ABI1: variants seen among roughly 807,000 people sequenced by gnomAD.
ABI1 encodes Abelson interactor 1.
A neutral mutation model predicts 54.6 loss-of-function variants in ABI1; 14 were observed. That is an observed-to-expected ratio of 0.26 (90% CI 0.17 to 0.40). The LOEUF is 0.40. ABI1 is among the 10% of genes least tolerant of loss of function. The pLI is 1.00. For synonymous variants in ABI1, 194 were observed against 209.3 expected (o/e 0.93, Z 0.63); for missense variants, 443 against 598.3 (o/e 0.74, Z 2.71).
At position 26,786,140 on chromosome 10, in the gene ABI1, GAGGATT is replaced by G. The variant is rs1396745036; in HGVS notation, c.286-8905_286-8900del. ...ACCACCCCCATCCCCAAGTAATTCT[GAGGATT>G]ATCTGATACAATCATTGATTCATTG... On this transcript the variant is annotated intron_variant, in intron 2 of 10. Coordinates refer to ENST00000376140, the MANE Select transcript of ABI1 (RefSeq NM_001012750.3). Among the ~76,000 whole-genome samples, 4 of 152,070 alleles carry G rather than the reference GAGGATT, an allele frequency of 2.6e-5. No homozygotes were observed. In the East Asian group the frequency reaches 7.7e-4, roughly 29 times the overall value.
intron 1 of ABI1, among the ~76,000 whole-genome samples, chr10:26,836,452 G>A (rs1401442648): frequency 6.6e-6 from 1 of 152,162 alleles, no homozygotes; most frequent in African/African-American, 2.4e-5. Context: ...ACATGTATTT[G>A]TGTAAACAGT....
At chr10:26,769,684 A>G (rs937787542) in intron 5 of ABI1, among the ~76,000 whole-genome samples, 1 of 152,240 alleles carries the variant, frequency 6.6e-6, no homozygotes, top group Non-Finnish European at 1.5e-5. Context: ...GGAAGAAGCC[A>G]CTGTTATCTT....
chr10:26,762,197 T>A (rs919805541), intron 7 of ABI1, among the ~76,000 whole-genome samples: 3 of 152,090 alleles, frequency 2.0e-5, no homozygotes, highest in Non-Finnish European at 2.9e-5. Flanking sequence ...TTTGCAGAGA[T>A]GAGGTCTTGC....
chr10:26,840,028 G>C (rs1484781067), intron 1 of ABI1, among the ~76,000 whole-genome samples: 1 of 151,944 alleles, frequency 6.6e-6, no homozygotes, highest in Non-Finnish European at 1.5e-5. Flanking sequence ...ACAAATTCAA[G>C]ATTCTATGAA....
intron 2 of ABI1, among the ~76,000 whole-genome samples, chr10:26,792,626 A>G (rs954216235): frequency 6.6e-6 from 1 of 152,254 alleles, no homozygotes; most frequent in African/African-American, 2.4e-5. Context: ...CAAGGCTTTT[A>G]TAAAAATAAG....
At chr10:26,761,698 C>T (rs1839251621) in intron 7 of ABI1, among the ~76,000 whole-genome samples, 1 of 134,964 alleles carries the variant, frequency 7.4e-6, no homozygotes, top group African/African-American at 2.8e-5. Flanking sequence ...TTAAACAATA[C>T]ACACAGTTTT....
chr10:26,817,385 C>T (rs1037006623), intron 2 of ABI1, among the ~76,000 whole-genome samples: 1 of 152,164 alleles, frequency 6.6e-6, no homozygotes, highest in African/African-American at 2.4e-5. Context: ...TCACTCTACA[C>T]TAGATTCTGT....
rs747438096 is a variant in ABI1 at position 26,823,157 on chromosome 10, G to A, written c.266C>T (p.Ser89Phe). Residue 89 changes from serine (S) to phenylalanine (F), a missense_variant, in exon 2 of 11, where the codon TCC becomes TTC. Physicochemically the swap from Ser to Phe is radical, Grantham distance 155. This residue lies in a region of ABI1 where 394 missense variants were observed against 484.8 expected (regional missense o/e 0.81). Coordinates refer to ENST00000376140, the MANE Select transcript of ABI1 (RefSeq NM_001012750.3). ...QASQLRRMES[S>F]INHISQTVDI... ...TGTTACCTGTGAGATATGATTGATG[G>A]AAGACTCCATTCTCCGAAGCTGAGA... The A allele has an allele frequency of 6.3e-7, 1 of 1,597,374 alleles. No homozygotes were observed. The highest frequency in any genetic ancestry group is 1.2e-5 in the South Asian group (1 of 86,676).
chr10:26,794,908 C>G (rs1177070513), intron 2 of ABI1, among the ~76,000 whole-genome samples: 1 of 152,046 alleles, frequency 6.6e-6, no homozygotes, highest in African/African-American at 2.4e-5. Flanking sequence ...CTTTGGGAGG[C>G]TGAGTTGGGC....
chr10:26,787,325 AAATT>A (rs1161451804), intron 2 of ABI1, among the ~76,000 whole-genome samples: 2 of 152,208 alleles, frequency 1.3e-5, no homozygotes, highest in Non-Finnish European at 2.9e-5. Context: ...CTCAAGGGAA[AAATT>A]AATTCAAAAT....
At chr10:26,838,605 G>A (rs1435998140) in intron 1 of ABI1, among the ~76,000 whole-genome samples, 1 of 152,044 alleles carries the variant, frequency 6.6e-6, no homozygotes, top group Non-Finnish European at 1.5e-5. Flanking sequence ...GAATTTTTAG[G>A]AAGAAAAAAT....
chr10:26,839,895 C>T (rs769782127), intron 1 of ABI1: 5 of 623,408 alleles, frequency 8.0e-6, no homozygotes, highest in East Asian at 2.8e-5. Context: ...AAGGCTAAGG[C>T]AAGGGAACTG....
chr10:26,826,634 T>C (rs1054790540), intron 1 of ABI1, among the ~76,000 whole-genome samples: 3 of 152,242 alleles, frequency 2.0e-5, no homozygotes, highest in African/African-American at 7.2e-5. Context: ...CTGTTTCGTC[T>C]ACATGGAAAA....
At chr10:26,799,074 T>C (rs2046378171) in intron 2 of ABI1, among the ~76,000 whole-genome samples, 1 of 152,194 alleles carries the variant, frequency 6.6e-6, no homozygotes, top group African/African-American at 2.4e-5. Flanking sequence ...ACATTAAATG[T>C]AAATTCAATA....
At position 26,768,915 on chromosome 10, in the gene ABI1, C is replaced by T; in HGVS notation, c.656G>A (p.Arg219Lys). The T allele has an allele frequency of 6.2e-7, 1 of 1,613,672 alleles. No individual in the cohort carries two copies. The highest frequency in any genetic ancestry group is 8.5e-7 in the Non-Finnish European group (1 of 1,179,702). Residue 219 changes from arginine (R) to lysine (K), a missense_variant, in exon 6 of 11, where the codon AGG becomes AAG. Physicochemically the swap from Arg to Lys is conservative, Grantham distance 26. Transcript: ENST00000376140. Reference sequence around the variant, plus strand: ...GCCTGGACTATGCTGACTTCCAAGCCTAGCAGGACTGGTCATATAGTCATT... The same window carrying T: ...GCCTGGACTATGCTGACTTCCAAGCTTAGCAGGACTGGTCATATAGTCATT... ...VPNDYMTSPA[R>K]LGSQHSPGRT...
chr10:26,824,183 T>C (rs1462749971), intron 1 of ABI1, among the ~76,000 whole-genome samples: 6 of 152,158 alleles, frequency 3.9e-5, no homozygotes, highest in African/African-American at 1.2e-4. Flanking sequence ...ACCTCACTCA[T>C]TATAGGAAAG....
chr10:26,801,057 G>A (rs2046520746), intron 2 of ABI1, among the ~76,000 whole-genome samples: 1 of 152,174 alleles, frequency 6.6e-6, no homozygotes, highest in Admixed American at 6.5e-5. Flanking sequence ...CTGAGGAACT[G>A]TGCCAGACTG....
Position 26,788,762 on chromosome 10 carries a change from A to C in ABI1, c.286-11521T>G, listed in dbSNP as rs534603262. Among the ~76,000 whole-genome samples the C allele has an allele frequency of 9.2e-5, 14 of 152,162 alleles. No homozygotes were observed. In the East Asian group the frequency reaches 2.5e-3, roughly 27 times the overall value. On this transcript the variant is annotated intron_variant, in intron 2 of 10. Coordinates refer to ENST00000376140, the MANE Select transcript of ABI1 (RefSeq NM_001012750.3). ...CCCGTCTCTACTAAAAATACAAAAA[A>C]TTAGCTGGGCGTGGTTGGCGGACGC...
intron 1 of ABI1, among the ~76,000 whole-genome samples, chr10:26,842,131 G>C (rs1564571476): frequency 6.6e-6 from 1 of 152,122 alleles, no homozygotes; most frequent in Admixed American, 6.5e-5. Flanking sequence ...CACCCTAAGG[G>C]GTGTGAGGTG....
Sources: gnomAD v4.1 joint callset for allele counts (sites outside exome capture counted in the v4.1 genomes callset) on GRCh38, gnomAD v4.1.1 for gene constraint, gnomAD v4.1.1 regional missense constraint, MANE v1.5 for transcripts, NCBI Gene and HGNC (gene_info 2026-07-23, HGNC 2026-07-21) for gene names.